The following MACROD2 variants were observed in gnomAD, a reference collection of about 807,000 sequenced individuals.
MACROD2 encodes mono-ADP ribosylhydrolase 2, also known as ADP-ribose glycohydrolase MACROD2.
A neutral mutation model predicts 70.4 loss-of-function variants in MACROD2; 36 were observed. The ratio of observed to expected loss-of-function variants is 0.51; its 90% CI spans 0.39 to 0.68. MACROD2 has a LOEUF of 0.68. Ranked by LOEUF, MACROD2 falls within the 30% of genes least tolerant of loss-of-function variation. MACROD2 has a pLI of 0.00. For synonymous variants in MACROD2, 172 were observed against 178.8 expected (o/e 0.96, Z 0.30); for missense variants, 496 against 538.4 (o/e 0.92, Z 0.78).
At chr20:14,858,129 T>G (rs1308352739) in intron 5 of MACROD2, among the ~76,000 whole-genome samples, 3 of 152,120 alleles carry the variant, frequency 2.0e-5, no homozygotes, top group Admixed American at 6.6e-5. Context: ...CCGAGGAATG[T>G]TTTATATAAT....
intron 10 of MACROD2, among the ~76,000 whole-genome samples, chr20:15,900,849 A>C (rs2065053056): frequency 6.6e-6 from 1 of 152,118 alleles, no homozygotes; most frequent in African/African-American, 2.4e-5. Context: ...CTAACCTAAG[A>C]CTCAGTTTCT....
intron 3 of MACROD2, among the ~76,000 whole-genome samples, chr20:14,165,249 CA>C (rs781506027): frequency 1.3e-5 from 2 of 152,252 alleles, no homozygotes; most frequent in African/African-American, 2.4e-5. Flanking sequence ...TCAGGGCCTG[CA>C]GGGGTCAAGT....
At chr20:15,189,089 A>G (rs1369189815) in intron 5 of MACROD2, among the ~76,000 whole-genome samples, 5 of 152,126 alleles carry the variant, frequency 3.3e-5, no homozygotes, top group Admixed American at 3.3e-4. Flanking sequence ...TAACAGTGAT[A>G]TATTTCACTT....
intron 4 of MACROD2, among the ~76,000 whole-genome samples, chr20:14,618,578 G>T (rs1295567976): frequency 1.3e-5 from 2 of 152,058 alleles, no homozygotes; most frequent in Non-Finnish European, 2.9e-5. Context: ...GTGGTGTAAC[G>T]CACAGGGTTC....
At chr20:14,786,647 A>T (rs2072378194) in intron 5 of MACROD2, among the ~76,000 whole-genome samples, 1 of 152,008 alleles carries the variant, frequency 6.6e-6, no homozygotes, top group Non-Finnish European at 1.5e-5. Flanking sequence ...TTGCTCTTAA[A>T]AGCAAAAACT....
At chr20:14,445,906 A>G (rs1198536122) in intron 3 of MACROD2, among the ~76,000 whole-genome samples, 1 of 152,124 alleles carries the variant, frequency 6.6e-6, no homozygotes, top group Non-Finnish European at 1.5e-5. Context: ...GGCTCCTTCA[A>G]TAATGCAAAC....
intron 5 of MACROD2, among the ~76,000 whole-genome samples, chr20:14,695,541 T>C (rs746994821): frequency 6.6e-6 from 1 of 152,222 alleles, no homozygotes; most frequent in African/African-American, 2.4e-5. Context: ...ATACTCTCTC[T>C]GAGCATGGCC....
intron 5 of MACROD2, among the ~76,000 whole-genome samples, chr20:14,717,724 T>C (rs1050424348): frequency 6.6e-6 from 1 of 152,098 alleles, no homozygotes; most frequent in Non-Finnish European, 1.5e-5. Flanking sequence ...GTAATAGAAC[T>C]GATCCTTGAG....
chr20:15,899,321 T>C (rs1443462139), intron 10 of MACROD2, among the ~76,000 whole-genome samples: 2 of 152,128 alleles, frequency 1.3e-5, no homozygotes, highest in African/African-American at 4.8e-5. Context: ...TATACATATA[T>C]ACATATACAT....
intron 5 of MACROD2, among the ~76,000 whole-genome samples, chr20:15,191,652 A>G (rs2076571238): frequency 6.6e-6 from 1 of 152,250 alleles, no homozygotes; most frequent in South Asian, 2.1e-4. Context: ...GGCATAAGCC[A>G]TTCCACCTGC....
chr20:15,941,691 A>G (rs1476996337), intron 12 of MACROD2, among the ~76,000 whole-genome samples: 1 of 152,154 alleles, frequency 6.6e-6, no homozygotes, highest in Non-Finnish European at 1.5e-5. Context: ...TACACTCTCC[A>G]ATTTAAGTGG....
chr20:15,556,511 G>A (rs1242475801), intron 8 of MACROD2, among the ~76,000 whole-genome samples: 2 of 151,968 alleles, frequency 1.3e-5, no homozygotes, highest in Non-Finnish European at 2.9e-5. Flanking sequence ...AAATAGTTTT[G>A]GTTAAATGGC....
intron 4 of MACROD2, among the ~76,000 whole-genome samples, chr20:14,498,532 G>C (rs1264699239): frequency 1.3e-5 from 2 of 152,186 alleles, no homozygotes; most frequent in Non-Finnish European, 2.9e-5. Flanking sequence ...TGAATTACTA[G>C]AGCAATTATA....
At chr20:15,821,222 G>T (rs573014620) in intron 8 of MACROD2, among the ~76,000 whole-genome samples, 1 of 151,980 alleles carries the variant, frequency 6.6e-6, no homozygotes, top group Non-Finnish European at 1.5e-5. Flanking sequence ...AATATTTTGT[G>T]TAAATTATTT....
At chr20:14,961,359 A>C (rs1285040775) in intron 5 of MACROD2, among the ~76,000 whole-genome samples, 1 of 152,152 alleles carries the variant, frequency 6.6e-6, no homozygotes, top group Non-Finnish European at 1.5e-5. Context: ...GAATTATAGA[A>C]TATATTCTGT....
chr20:14,387,794 T>C (rs895559372), intron 3 of MACROD2, among the ~76,000 whole-genome samples: 1 of 152,126 alleles, frequency 6.6e-6, no homozygotes, highest in Admixed American at 6.5e-5. Context: ...CCCTTTACAC[T>C]CTCCTCATGT....
intron 5 of MACROD2, among the ~76,000 whole-genome samples, chr20:15,007,553 A>G (rs2075049124): frequency 6.6e-6 from 1 of 152,200 alleles, no homozygotes; most frequent in African/African-American, 2.4e-5. Context: ...CTCAGGGTTC[A>G]GGTGCAGGAA....
At chr20:15,929,677 C>T (rs1192651442) in intron 10 of MACROD2, among the ~76,000 whole-genome samples, 3 of 152,238 alleles carry the variant, frequency 2.0e-5, no homozygotes, top group Admixed American at 2.0e-4. Flanking sequence ...CACCATGTAG[C>T]GTTCACAAAA....
intron 15 of MACROD2, among the ~76,000 whole-genome samples, chr20:16,010,357 C>T (rs763863869): frequency 3.3e-5 from 5 of 152,076 alleles, no homozygotes; most frequent in East Asian, 1.9e-4. Context: ...ATCCCACAGG[C>T]GCTCATCTCT....
Sources: gnomAD v4.1 joint callset for allele counts (sites outside exome capture counted in the v4.1 genomes callset) on GRCh38, gnomAD v4.1.1 for gene constraint, MANE v1.5 for transcripts, NCBI Gene and HGNC (gene_info 2026-07-23, HGNC 2026-07-21) for gene names.